The following RGS11 variants were observed in gnomAD, a reference collection of about 807,000 sequenced individuals.
RGS11 encodes regulator of G-protein signaling 11.
A neutral mutation model predicts 71.1 loss-of-function variants in RGS11; 86 were observed. The ratio of observed to expected loss-of-function variants is 1.21; its 90% CI spans 1.02 to 1.45. RGS11 has a LOEUF of 1.45. Among genes scored for constraint, RGS11 ranks in the 40% most tolerant of loss-of-function variants. The pLI, the probability that RGS11 is intolerant of heterozygous loss-of-function variation, is 0.00. For synonymous variants in RGS11, 298 were observed against 254.2 expected (o/e 1.17, Z -1.64); for missense variants, 734 against 635.1 (o/e 1.16, Z -1.67).
chr16:269,474 G>A lies in RGS11; in HGVS notation c.1289+29C>T, dbSNP rs201992208. Reference sequence around the variant, plus strand: ...CCCCAGCAGCCCCCAGGCCACAGCCGCCGGCCACAGGGCACTGCCTGGGCT... The same window carrying A: ...CCCCAGCAGCCCCCAGGCCACAGCCACCGGCCACAGGGCACTGCCTGGGCT... On this transcript the variant is annotated intron_variant, in intron 16 of 16. Transcript: ENST00000397770. 3.5e-4 allele frequency: 558 copies of A among 1,607,786 alleles called. 1 individual carries two copies. Among genetic ancestry groups the A allele is most frequent in the Non-Finnish European group, 4.4e-4 (518 of 1,176,120 alleles).
intron 7 of RGS11, 97 bp downstream of exon 7, chr16:273,663 C>T: frequency 6.6e-7 from 1 of 1,519,522 alleles, no homozygotes; most frequent in South Asian, 1.1e-5. Flanking sequence ...GGGTGCCCTC[C>T]ACGGTCCCAG....
rs770036167 is a variant in RGS11, at chr16:271,489, C to G, written c.688-29G>C. ...GGATGTGGGGCCTGTGAGTCAGGTC[C>G]CGGGCTGGGGAAGGCACCTGGCACC... is the stretch of plus-strand genomic sequence containing the variant. On this transcript the variant is annotated intron_variant, in intron 10 of 16. Transcript: ENST00000397770. 3.1e-6 allele frequency: 5 copies of G among 1,613,956 alleles called. No individual in the cohort carries two copies. In the South Asian group the frequency reaches 5.5e-5, roughly 18 times the overall value.
Position 275,267 on chromosome 16 carries a change from G to T in RGS11, c.211+16C>A, listed in dbSNP as rs747703436. 6 of 1,612,360 alleles carry T rather than the reference G, an allele frequency of 3.7e-6. No individual in the cohort carries two copies. The highest frequency in any genetic ancestry group is 5.1e-6 in the Non-Finnish European group (6 of 1,179,780). On this transcript the variant is annotated intron_variant, in intron 3 of 16. Transcript: ENST00000397770. ...GCCCAGTGACCCCAGGGCCCAGTGG[G>T]AGGCAGGGCGCTCACCCTCCTCCGA... is the stretch of plus-strand genomic sequence containing the variant.
chr16:268,800 G>C lies in RGS11; in HGVS notation c.*469C>G. ...GGCTCACACTGGGCGACAGCGGAGA[G>C]GCTCTTGGACGGGGCAGAGCTCGCG... On this transcript the variant is annotated 3_prime_UTR_variant, in exon 17 of 17. Transcript: ENST00000397770. 6.5e-7 allele frequency: 1 copy of C among 1,550,368 alleles called. No homozygotes were observed. The highest frequency in any genetic ancestry group is 8.7e-7 in the Non-Finnish European group (1 of 1,146,980).
intron 4 of RGS11, 175 bp downstream of exon 4, chr16:274,801 A>G (rs1460160735): frequency 1.1e-6 from 1 of 871,074 alleles, no homozygotes; most frequent in African/African-American, 1.7e-5. Flanking sequence ...CCACATCCGT[A>G]CTTGCGGTCC....
At chr16:270,327 T>G (rs1440030016) in intron 15 of RGS11, among the ~76,000 whole-genome samples, 196 bp downstream of exon 15, 1 of 152,224 alleles carries the variant, frequency 6.6e-6, no homozygotes, top group Non-Finnish European at 1.5e-5. Flanking sequence ...CTTCAGCCTG[T>G]CTGAACCCGG....
At chr16:269,458 C>T (rs770379380) in intron 16 of RGS11, 45 bp downstream of exon 16, 49 of 1,598,046 alleles carry the variant, frequency 3.1e-5, no homozygotes, top group Non-Finnish European at 2.7e-5. Context: ...GCCCCAGCAG[C>T]CCCCAGGCCA....
At chr16:270,886 G>A in intron 13 of RGS11, 55 bp from the exon 14 acceptor site, 5 of 1,589,016 alleles carry the variant, frequency 3.1e-6, no homozygotes, top group Non-Finnish European at 4.3e-6. Flanking sequence ...GCCAGGGCCG[G>A]TGGGGGGTTC....
chr16:274,067 C>T lies in RGS11; in HGVS notation c.405G>A (p.Arg135=). ...CCTTCTCATAATCCACCAGGGTCCC[C>T]CGTTTTCGGATGTTCTTCTTGGCCA... ...IYLAKKNIRK[R]GTLVDYEKDC... The change falls in exon 6 of 17, where the codon CGG becomes CGA. Residue 135 remains arginine, a synonymous_variant. Transcript: ENST00000397770. The T allele has an allele frequency of 6.4e-7, 1 of 1,551,052 alleles. No individual in the cohort carries two copies. The highest frequency in any genetic ancestry group is 8.7e-7 in the Non-Finnish European group (1 of 1,147,140).
chr16:275,726 T>A, intron 1 of RGS11, 123 bp downstream of exon 1: 1 of 403,272 alleles, frequency 2.5e-6, no homozygotes, highest in Non-Finnish European at 4.0e-6. Flanking sequence ...CCTCCCGGCC[T>A]CGCAGACCTC....
chr16:269,622 C>G (rs372126561), intron 15 of RGS11, 37 bp from the exon 16 acceptor site: 28 of 1,479,100 alleles, frequency 1.9e-5, no homozygotes, highest in Non-Finnish European at 2.5e-5. Flanking sequence ...ACCCTTCTGC[C>G]TCCTCACCTC....
rs1157428147 is a variant in RGS11 at position 274,042 on chromosome 16, C to A, written c.429+1G>T. 4.6e-5 allele frequency: 72 copies of A among 1,550,182 alleles called. No individual in the cohort carries two copies. The highest frequency in any genetic ancestry group is 5.9e-5 in the Non-Finnish European group (68 of 1,147,026). Reference sequence around the variant, plus strand: ...GGGGCGGGAAGGGTGGGGGGTCCCACCTTCTCATAATCCACCAGGGTCCCC... The same window carrying A: ...GGGGCGGGAAGGGTGGGGGGTCCCAACTTCTCATAATCCACCAGGGTCCCC... On this transcript the variant is annotated splice_donor_variant, in intron 6 of 16. Coordinates refer to ENST00000397770, the MANE Select transcript of RGS11 (RefSeq NM_183337.3). LOFTEE classifies it high-confidence loss of function.
intron 4 of RGS11, 119 bp from the exon 5 acceptor site, chr16:274,384 T>C: frequency 1.9e-6 from 2 of 1,076,380 alleles, no homozygotes; most frequent in Non-Finnish European, 2.7e-6. Flanking sequence ...TCTGAGGATC[T>C]CCCTGCCTGC....
At chr16:274,744 G>A (rs2052088814) in intron 4 of RGS11, 9 of 709,174 alleles carry the variant, frequency 1.3e-5, no homozygotes, top group South Asian at 9.0e-5. Flanking sequence ...GCCCTGCTGT[G>A]GTCCCCAGGA....
At chr16:273,405 C>G in intron 8 of RGS11, 70 bp downstream of exon 8, 1 of 1,199,638 alleles carries the variant, frequency 8.3e-7, no homozygotes, top group Non-Finnish European at 1.2e-6. Flanking sequence ...GTCCTGAGAG[C>G]GCCTGTCAGG....
intron 15 of RGS11, 141 bp from the exon 16 acceptor site, chr16:269,726 T>C (rs740000): frequency 0.15 from 101,659 of 665,670 alleles, 16,016 homozygotes; most frequent in African/African-American, 0.57. Flanking sequence ...GGCAGCCGCC[T>C]CGGACCTGCC....
At chr16:273,906 G>A (rs1486435954) in intron 6 of RGS11, 70 bp from the exon 7 acceptor site, 11 of 1,518,028 alleles carry the variant, frequency 7.2e-6, no homozygotes, top group East Asian at 2.3e-5. Context: ...GGGCAGTTGG[G>A]GGGTTGGGGA....
At chr16:270,051 C>T (rs529871994) in intron 15 of RGS11, 13 of 175,682 alleles carry the variant, frequency 7.4e-5, no homozygotes, top group South Asian at 1.4e-4. Context: ...AGATCGAGAC[C>T]GTCCTGGGTA....
rs1380226281 is a variant in RGS11 at position 275,066 on chromosome 16, G to A, written c.228C>T (p.Gly76=). The A allele has an allele frequency of 6.7e-7, 1 of 1,481,838 alleles. No homozygotes were observed. The highest frequency in any genetic ancestry group is 9.0e-7 in the Non-Finnish European group (1 of 1,114,842). 91.8% of individuals were successfully genotyped at this position (1,481,838 alleles called of 1,614,324 possible). A position where few individuals can be genotyped will look rare whatever the true frequency, so the allele number is the denominator to read the frequency against. The change falls in exon 4 of 17, where the codon GGC becomes GGT. Residue 76 remains glycine, a synonymous_variant. Coordinates refer to ENST00000397770, the MANE Select transcript of RGS11 (RefSeq NM_183337.3). ...CVSEEEALHL[G]AVLVQHGYIY... The stretch of plus-strand genomic sequence containing the variant: ...TGTAGCCATGCTGCACCAGGACGGC[G>A]CCCAGGTGCAGGGCCTCTGGGGAGG...
Sources: allele counts gnomAD v4.1 joint callset (sites outside exome capture counted in the v4.1 genomes callset), GRCh38; gene constraint gnomAD v4.1.1; transcripts MANE v1.5; gene names NCBI Gene and HGNC (gene_info 2026-07-23, HGNC 2026-07-21).